TNS1: variants seen among roughly 807,000 people sequenced by gnomAD.
TNS1 encodes the protein tensin-1.
A neutral mutation model predicts 168.6 loss-of-function variants in TNS1; 62 were observed. The observed-to-expected ratio is 0.37, with a 90% CI of 0.30 to 0.45. TNS1 has a LOEUF of 0.45. Ranked by LOEUF, TNS1 falls within the 20% of genes least tolerant of loss-of-function variation. The pLI, the probability that TNS1 is intolerant of heterozygous loss-of-function variation, is 1.00. For missense variants in TNS1, 2,240 were observed against 2,339.4 expected, an observed-to-expected ratio of 0.96 and a Z score of 0.88; for synonymous variants, 934 against 933.2, an observed-to-expected ratio of 1.00 and a Z score of -0.02.
chr2:217,976,715 G>A (rs1475569752), intron 3 of TNS1, among the ~76,000 whole-genome samples: 2 of 152,216 alleles, frequency 1.3e-5, no homozygotes, highest in African/African-American at 4.8e-5. Flanking sequence ...GCATGACAAG[G>A]GGCCATCTGT....
chr2:217,881,135 TC>T, intron 17 of TNS1, 121 bp from the exon 18 acceptor site: 1 of 687,912 alleles, frequency 1.5e-6, no homozygotes, highest in Non-Finnish European at 2.5e-6. Flanking sequence ...CTGAGGGACT[TC>T]TCATTTTCTT....
intron 12 of TNS1, among the ~76,000 whole-genome samples, chr2:217,887,817 G>A (rs537639871): frequency 5.9e-5 from 9 of 152,314 alleles, no homozygotes; most frequent in African/African-American, 1.7e-4. Context: ...ACTAGAGATC[G>A]GTCATCTGCC....
intron 29 of TNS1, 38 bp downstream of exon 29, chr2:217,810,210 A>T (rs1940583971): frequency 6.2e-7 from 1 of 1,609,394 alleles, no homozygotes; most frequent in African/African-American, 1.3e-5. Flanking sequence ...GCAGAAAGAG[A>T]GGCCTGGGCA....
At chr2:218,029,133 C>T (rs1958872026) in intron 1 of TNS1, among the ~76,000 whole-genome samples, 1 of 152,244 alleles carries the variant, frequency 6.6e-6, no homozygotes, top group African/African-American at 2.4e-5. Context: ...GTGAGTAAGA[C>T]TTAGAGAGGT....
intron 19 of TNS1, among the ~76,000 whole-genome samples, chr2:217,839,310 G>A (rs910714182): frequency 1.1e-4 from 17 of 152,086 alleles, no homozygotes; most frequent in Admixed American, 5.9e-4. Flanking sequence ...AGCCCTGGGC[G>A]TTCTCTAAGG....
intron 1 of TNS1, among the ~76,000 whole-genome samples, chr2:218,016,287 G>A (rs1439721716): frequency 2.0e-5 from 3 of 152,178 alleles, no homozygotes; most frequent in Non-Finnish European, 2.9e-5. Context: ...CCAAGATGAT[G>A]CAGAGAGGCT....
chr2:217,970,109 C>G (rs992437805), intron 3 of TNS1, among the ~76,000 whole-genome samples: 1 of 152,088 alleles, frequency 6.6e-6, no homozygotes, highest in Non-Finnish European at 1.5e-5. Flanking sequence ...CACCTACAAG[C>G]CAAGGAACAC....
At chr2:218,020,694 G>A (rs777796344) in intron 1 of TNS1, among the ~76,000 whole-genome samples, 6 of 152,170 alleles carry the variant, frequency 3.9e-5, no homozygotes, top group Non-Finnish European at 8.8e-5. Flanking sequence ...AAAGGCCTGG[G>A]GGCTAGCAAA....
intron 3 of TNS1, among the ~76,000 whole-genome samples, chr2:217,966,552 C>A (rs1278727286): frequency 6.6e-6 from 1 of 152,146 alleles, no homozygotes; most frequent in Non-Finnish European, 1.5e-5. Flanking sequence ...AGGGCAAACA[C>A]GGGCTCCACA....
At chr2:217,834,716 G>T (rs1187630795) in intron 21 of TNS1, among the ~76,000 whole-genome samples, 1 of 152,156 alleles carries the variant, frequency 6.6e-6, no homozygotes. Flanking sequence ...CAGAAATGGA[G>T]GTCAGAAACA....
intron 4 of TNS1, among the ~76,000 whole-genome samples, chr2:217,915,754 C>G (rs1954939408): frequency 6.6e-6 from 1 of 152,172 alleles, no homozygotes; most frequent in Non-Finnish European, 1.5e-5. Flanking sequence ...CCTGACCCAG[C>G]CCTGCCACTG....
chr2:217,920,354 T>A, intron 3 of TNS1, 118 bp from the exon 4 acceptor site: 2 of 675,552 alleles, frequency 3.0e-6, no homozygotes, highest in South Asian at 3.1e-5. Context: ...GCTGACACCT[T>A]CTGGGTTGAG....
At chr2:218,023,923 G>A (rs190573257) in intron 1 of TNS1, among the ~76,000 whole-genome samples, 3 of 151,478 alleles carry the variant, frequency 2.0e-5, no homozygotes, top group Admixed American at 2.0e-4. Context: ...GACCTCAGAA[G>A]TCAGCAGACT....
At chr2:218,001,351 C>T (rs1182789352) in intron 1 of TNS1, among the ~76,000 whole-genome samples, 4 of 152,012 alleles carry the variant, frequency 2.6e-5, no homozygotes, top group Admixed American at 2.0e-4. Flanking sequence ...CTCTGCAATC[C>T]TCATTTCACC....
chr2:217,963,350 A>G (rs532890759), intron 3 of TNS1, among the ~76,000 whole-genome samples: 177 of 152,272 alleles, frequency 1.2e-3, no homozygotes, highest in Non-Finnish European at 1.9e-3. Flanking sequence ...TCTAATGACA[A>G]TAACCATGCC....
rs1213308735 is a variant in TNS1 at position 217,813,797 on chromosome 2, G to A, written c.4749C>T (p.Asp1583=). 1 of 1,612,726 alleles carries A rather than the reference G, an allele frequency of 6.2e-7. No individual in the cohort carries two copies. Among genetic ancestry groups the A allele is most frequent in the Non-Finnish European group, 8.5e-7 (1 of 1,179,366 alleles). ...GGATGATGAAGGCCCCCGGCTCCTGGTCCTTGAGGAGCGCGATGGCTGCAT... is the reference window on the plus strand; with the variant it reads ...GGATGATGAAGGCCCCCGGCTCCTGATCCTTGAGGAGCGCGATGGCTGCAT... ...SREQAIALLK[D]QEPGAFIIRD... is the part of the protein sequence containing the mutation. Residue 1583 remains aspartate, a synonymous_variant, in exon 26 of 33, where the codon GAC becomes GAT. Transcript: ENST00000682258. The surrounding 1 kb of genome is among the most constrained non-coding windows in gnomAD (Gnocchi z 4.0).
At chr2:217,805,754 T>A (rs867386651) in intron 32 of TNS1, among the ~76,000 whole-genome samples, 2 of 80,066 alleles carry the variant, frequency 2.5e-5, no homozygotes, top group Non-Finnish European at 5.3e-5. Flanking sequence ...CCACCACACA[T>A]ACACACCACA....
chr2:217,847,120 C>T (rs1293076256), intron 19 of TNS1, among the ~76,000 whole-genome samples: 1 of 152,194 alleles, frequency 6.6e-6, no homozygotes, highest in Non-Finnish European at 1.5e-5. Context: ...GTACTCCAAC[C>T]CCAAAGTCAC....
At chr2:217,942,685 C>T (rs1302776646) in intron 3 of TNS1, among the ~76,000 whole-genome samples, 1 of 152,172 alleles carries the variant, frequency 6.6e-6, no homozygotes, top group Non-Finnish European at 1.5e-5. Flanking sequence ...GAAGAGGCAG[C>T]TGGGACTTCC....
Sources: gnomAD v4.1 joint callset for allele counts (sites outside exome capture counted in the v4.1 genomes callset) on GRCh38, gnomAD v4.1.1 for gene constraint, Gnocchi (gnomAD v3.1) non-coding constraint, MANE v1.5 for transcripts, NCBI Gene and HGNC (gene_info 2026-07-23, HGNC 2026-07-21) for gene names.